Variants in SCCPDH observed in about 807,000 individuals in gnomAD.
SCCPDH encodes saccharopine dehydrogenase (putative).
In SCCPDH, 34 loss-of-function variants were observed where a neutral mutation model predicts 51.5. The observed-to-expected ratio is 0.66, with a 90% CI of 0.50 to 0.88. The LOEUF is 0.88. Among genes scored for constraint, SCCPDH ranks in the 40% least tolerant of loss-of-function variants. The pLI is 0.00. For missense variants in SCCPDH, 464 were observed against 527.1 expected (o/e 0.88, Z 1.17); for synonymous variants, 187 against 191.3 (o/e 0.98, Z 0.19).
In SCCPDH at chr1:246,736,005, G is replaced by C. The variant is rs765049217; in HGVS notation, c.334G>C (p.Ala112Pro). 2 of 1,612,714 alleles carry C rather than the reference G, an allele frequency of 1.2e-6. No individual in the cohort carries two copies. The highest frequency in any genetic ancestry group is 1.7e-6 in the Non-Finnish European group (2 of 1,178,990). Residue 112 changes from alanine to proline, a missense_variant, in exon 3 of 12, where the codon GCA becomes CCA. Transcript: ENST00000366510. Reference sequence around the variant, plus strand: ...GTTTTATGGAGAACCTGTAATAAAAGCATGTATTGAAAATGGAGCCAGTTG... The same window carrying C: ...GTTTTATGGAGAACCTGTAATAAAACCATGTATTGAAAATGGAGCCAGTTG... ...YRFYGEPVIK[A>P]CIENGASCID... is the part of the protein sequence containing the mutation.
At chr1:246,764,489 A>C (rs1669061524) in intron 10 of SCCPDH, 132 bp downstream of exon 10, 3 of 502,306 alleles carry the variant, frequency 6.0e-6, no homozygotes, top group Non-Finnish European at 6.8e-6. Flanking sequence ...AAGTAACTTA[A>C]AATTATTCTG....
At chr1:246,726,109 G>A (rs986577598) in intron 1 of SCCPDH, among the ~76,000 whole-genome samples, 6 of 152,104 alleles carry the variant, frequency 3.9e-5, no homozygotes, top group Non-Finnish European at 5.9e-5. Context: ...CACCCTTCTC[G>A]GCTTTCCAAA....
At chr1:246,737,291 A>T (rs750845175) in intron 3 of SCCPDH, among the ~76,000 whole-genome samples, 11 of 150,546 alleles carry the variant, frequency 7.3e-5, no homozygotes, top group South Asian at 6.3e-4. Flanking sequence ...GCACTTTGGG[A>T]GGCTAGGTGG....
At chr1:246,754,961 A>G (rs1390502728) in intron 5 of SCCPDH, among the ~76,000 whole-genome samples, 1 of 152,144 alleles carries the variant, frequency 6.6e-6, no homozygotes, top group Non-Finnish European at 1.5e-5. Context: ...TTGTTCCTGG[A>G]TATGAAATTA....
chr1:246,731,817 A>G (rs879317493), intron 2 of SCCPDH, among the ~76,000 whole-genome samples: 4 of 152,066 alleles, frequency 2.6e-5, no homozygotes, highest in Non-Finnish European at 5.9e-5. Flanking sequence ...GCACCCATCA[A>G]CCCGTCATTT....
rs955106897 is a variant in SCCPDH, at chr1:246,766,137, G to T, written c.1182G>T (p.Lys394Asn). 8.1e-6 allele frequency: 13 copies of T among 1,605,456 alleles called. No homozygotes were observed. Among genetic ancestry groups the T allele is most frequent in the Admixed American group, 1.7e-5 (1 of 59,072 alleles). ...TAAGTGATGCTTCTCATCTGCCTAA[G>T]GCGTAAGTTTGGTTTTCTTCCAATT... ...TLLSDASHLP[K>N]AGGVFTPGAA... is the part of the protein sequence containing the mutation. The change falls in exon 11 of 12, where the codon AAG (lysine) becomes AAT (asparagine). Residue 394 changes from lysine to asparagine, a missense_variant and splice_region_variant. Coordinates refer to ENST00000366510, the MANE Select transcript of SCCPDH (RefSeq NM_016002.3).
intron 2 of SCCPDH, among the ~76,000 whole-genome samples, chr1:246,731,455 GC>G (rs1668488790): frequency 6.6e-6 from 1 of 152,216 alleles, no homozygotes; most frequent in South Asian, 2.1e-4. Flanking sequence ...GGGCTCACTA[GC>G]CAGACATGAG....
chr1:246,735,533 T>C (rs764900939), intron 2 of SCCPDH, among the ~76,000 whole-genome samples: 1 of 152,136 alleles, frequency 6.6e-6, no homozygotes, highest in Non-Finnish European at 1.5e-5. Flanking sequence ...ATCTTCTCAG[T>C]TTATCTTTTT....
At chr1:246,761,133 C>T (rs938190700) in intron 9 of SCCPDH, among the ~76,000 whole-genome samples, 2 of 151,962 alleles carry the variant, frequency 1.3e-5, no homozygotes, top group African/African-American at 4.8e-5. Flanking sequence ...TGTTCCATCC[C>T]GACCTTCTTT....
At chr1:246,743,050 A>G (rs924556696) in intron 4 of SCCPDH, among the ~76,000 whole-genome samples, 2 of 152,176 alleles carry the variant, frequency 1.3e-5, no homozygotes, top group African/African-American at 4.8e-5. Flanking sequence ...GCCACTGTTA[A>G]TAAGCCTTTT....
chr1:246,754,150 A>AT (rs1457268870), intron 5 of SCCPDH, among the ~76,000 whole-genome samples: 1 of 151,972 alleles, frequency 6.6e-6, no homozygotes, highest in Non-Finnish European at 1.5e-5. Flanking sequence ...CCCGCAGAGT[A>AT]TCCCGACCAC....
At chr1:246,752,417 G>T (rs1668863431) in intron 5 of SCCPDH, among the ~76,000 whole-genome samples, 1 of 152,114 alleles carries the variant, frequency 6.6e-6, no homozygotes, top group South Asian at 2.1e-4. Flanking sequence ...CTGATTAATA[G>T]CTCTAAGTTC....
chr1:246,751,118 T>C (rs1397649442), intron 5 of SCCPDH, among the ~76,000 whole-genome samples: 1 of 152,230 alleles, frequency 6.6e-6, no homozygotes, highest in Non-Finnish European at 1.5e-5. Context: ...TTTTATTAAT[T>C]TTTTAGACCA....
At chr1:246,766,407 C>T (rs567758220) in intron 11 of SCCPDH, among the ~76,000 whole-genome samples, 6 of 152,258 alleles carry the variant, frequency 3.9e-5, no homozygotes, top group African/African-American at 1.4e-4. Context: ...ATAAAGATAC[C>T]TCAAGTCCAG....
At chr1:246,734,668 C>T (rs927295679) in intron 2 of SCCPDH, among the ~76,000 whole-genome samples, 2 of 152,026 alleles carry the variant, frequency 1.3e-5, no homozygotes, top group Non-Finnish European at 2.9e-5. Context: ...TTGTAAAGGT[C>T]GATTGTGTCT....
intron 5 of SCCPDH, among the ~76,000 whole-genome samples, chr1:246,746,899 T>C (rs977972605): frequency 1.3e-5 from 2 of 152,214 alleles, no homozygotes; most frequent in African/African-American, 4.8e-5. Context: ...ATAGAGGCCT[T>C]ATTGAAATTG....
chr1:246,749,477 T>C (rs898225303), intron 5 of SCCPDH, among the ~76,000 whole-genome samples: 2 of 152,098 alleles, frequency 1.3e-5, no homozygotes, highest in African/African-American at 4.8e-5. Flanking sequence ...AAGGATCCTA[T>C]GGGGTCCTTC....
In SCCPDH at chr1:246,724,597, G is replaced by A. The variant is rs1321607974; in HGVS notation, c.175G>A (p.Ala59Thr). ...REKLQRVLEK[A>T]ALKLGRPTLS... ...GAAGCTGCAGCGGGTGCTGGAGAAG[G>A]CGGCCCTGAAGCTGGGTACAGCGGC... The change falls in exon 1 of 12, where the codon GCG becomes ACG. Residue 59 changes from alanine (A) to threonine (T), a missense_variant. Coordinates refer to ENST00000366510, the MANE Select transcript of SCCPDH (RefSeq NM_016002.3). 2 of 1,504,698 alleles carry A rather than the reference G, an allele frequency of 1.3e-6. No individual in the cohort carries two copies. Among genetic ancestry groups the A allele is most frequent in the East Asian group, 2.9e-5 (1 of 35,040 alleles). 93.2% of individuals were successfully genotyped at this position (1,504,698 alleles called of 1,614,324 possible).
At chr1:246,749,960 T>A (rs988256368) in intron 5 of SCCPDH, among the ~76,000 whole-genome samples, 1 of 152,056 alleles carries the variant, frequency 6.6e-6, no homozygotes, top group Admixed American at 6.6e-5. Context: ...GGACTAGCAA[T>A]AGAAGGGGAA....
Sources: allele counts gnomAD v4.1 joint callset (sites outside exome capture counted in the v4.1 genomes callset), GRCh38; gene constraint gnomAD v4.1.1; transcripts MANE v1.5; gene names NCBI Gene and HGNC (gene_info 2026-07-23, HGNC 2026-07-21).